Variants in CTCF observed in about 807,000 individuals in gnomAD.
The protein encoded by CTCF is transcriptional repressor CTCF.
CTCF carries 7 observed loss-of-function variants against 72.3 expected under a neutral mutation model. The ratio of observed to expected loss-of-function variants is 0.10; its 90% CI spans 0.06 to 0.18. The LOEUF is 0.18. Ranked by LOEUF, CTCF falls within the 10% of genes least tolerant of loss-of-function variation. The pLI is 1.00. For synonymous variants in CTCF, 374 were observed against 315.8 expected, an observed-to-expected ratio of 1.18 and a Z score of -1.95; for missense variants, 516 against 949.1, an observed-to-expected ratio of 0.54 and a Z score of 6.00.
At chr16:67,636,990 A>C (rs2052439888) in intron 11 of CTCF, 139 bp downstream of exon 11, 1 of 773,438 alleles carries the variant, frequency 1.3e-6, no homozygotes. Context: ...AACTCTCAGG[A>C]AATGGCTTTT....
chr16:67,622,804 C>T (rs370344793), intron 7 of CTCF, among the ~76,000 whole-genome samples: 44 of 149,888 alleles, frequency 2.9e-4, no homozygotes, highest in Admixed American at 8.6e-4. Context: ...CCACCATGCC[C>T]GGCTAAATTT....
intron 2 of CTCF, among the ~76,000 whole-genome samples, chr16:67,589,853 A>G (rs2142761573): frequency 6.6e-6 from 1 of 152,264 alleles, no homozygotes; most frequent in African/African-American, 2.4e-5. Flanking sequence ...TGGGGAGACC[A>G]AGATGGCTGG....
At chr16:67,575,575 G>A (rs1164728432) in intron 2 of CTCF, among the ~76,000 whole-genome samples, 2 of 151,984 alleles carry the variant, frequency 1.3e-5, no homozygotes, top group African/African-American at 2.4e-5. Context: ...CTCCTGAATA[G>A]CTAGGACTAC....
chr16:67,594,537 A>T (rs1030434066), intron 2 of CTCF, among the ~76,000 whole-genome samples: 28 of 152,160 alleles, frequency 1.8e-4, no homozygotes, highest in Non-Finnish European at 4.0e-4. Context: ...TTTGTCTTTC[A>T]AAGTTTCTAA....
At position 67,639,049 on chromosome 16, in the gene CTCF, C is replaced by T; in HGVS notation, c.*1177C>T. 1 of 202,794 alleles carries T rather than the reference C, an allele frequency of 4.9e-6. No homozygotes were observed. The highest frequency in any genetic ancestry group is 1.0e-5 in the Non-Finnish European group (1 of 98,470). 12.6% of individuals were successfully genotyped at this position (202,794 alleles called of 1,614,324 possible). A position where few individuals can be genotyped will look rare whatever the true frequency, so the allele number is the denominator to read the frequency against. ...TTGATGCATTTTGTACTTAGCTGTA[C>T]TGTGTGATATTTTTCATTATTTTAG... On this transcript the variant is annotated 3_prime_UTR_variant, in exon 12 of 12. Transcript: ENST00000264010.
chr16:67,598,836 C>T (rs1241831016), intron 2 of CTCF, among the ~76,000 whole-genome samples: 1 of 152,204 alleles, frequency 6.6e-6, no homozygotes, highest in Non-Finnish European at 1.5e-5. Flanking sequence ...GAGGTCAAGT[C>T]AGATGAGGAC....
rs2052457264 is a variant in CTCF, at chr16:67,638,138, T to G, written c.*266T>G. Reference sequence around the variant, plus strand: ...GGACAGTGTTGACAACTAACTCGTTTTCCTAGATGGAAACGGAGACATTGA... The same window carrying G: ...GGACAGTGTTGACAACTAACTCGTTGTCCTAGATGGAAACGGAGACATTGA... On this transcript the variant is annotated 3_prime_UTR_variant, in exon 12 of 12. Transcript: ENST00000264010. 2.6e-6 allele frequency: 1 copy of G among 381,518 alleles called. No individual in the cohort carries two copies. The highest frequency in any genetic ancestry group is 4.1e-5 in the Admixed American group (1 of 24,534). The allele number at this position is 381,518 out of a possible 1,614,324, so 23.6% of individuals were successfully genotyped here.
At chr16:67,631,981 G>A (rs879207091) in intron 10 of CTCF, among the ~76,000 whole-genome samples, 1 of 151,518 alleles carries the variant, frequency 6.6e-6, no homozygotes, top group Admixed American at 6.6e-5. Context: ...AGGCTGAGGT[G>A]GGAGGATGGC....
intron 2 of CTCF, among the ~76,000 whole-genome samples, chr16:67,572,221 A>G (rs2051432065): frequency 6.6e-6 from 1 of 152,202 alleles, no homozygotes; most frequent in South Asian, 2.1e-4. Context: ...CAAATGGGCA[A>G]CTTGTTATCC....
intron 1 of CTCF, among the ~76,000 whole-genome samples, chr16:67,565,300 C>T (rs1162476419): frequency 6.6e-6 from 1 of 151,898 alleles, no homozygotes; most frequent in Non-Finnish European, 1.5e-5. Context: ...TCTCGCCAGG[C>T]CAGGACCTGT....
intron 1 of CTCF, among the ~76,000 whole-genome samples, chr16:67,569,667 A>C (rs909267636): frequency 2.0e-5 from 3 of 151,796 alleles, no homozygotes; most frequent in Non-Finnish European, 4.4e-5. Flanking sequence ...AGGTCAGTAA[A>C]AGCTCCTTTT....
chr16:67,605,380 CA>C (rs943749959), intron 2 of CTCF, among the ~76,000 whole-genome samples: 8 of 152,212 alleles, frequency 5.3e-5, no homozygotes, highest in African/African-American at 1.4e-4. Context: ...TCTGCGGTAA[CA>C]TTTTTTTATA....
At chr16:67,630,303 G>A (rs563132355) in intron 10 of CTCF, among the ~76,000 whole-genome samples, 35 of 152,270 alleles carry the variant, frequency 2.3e-4, no homozygotes, top group Middle Eastern at 3.4e-3. Flanking sequence ...CTAACCTTGA[G>A]AGGTGCTGAT....
intron 4 of CTCF, 25 bp from the exon 5 acceptor site, chr16:67,616,718 CTT>C (rs2052136200): frequency 6.2e-7 from 1 of 1,613,422 alleles, no homozygotes; most frequent in Non-Finnish European, 8.5e-7. Context: ...TGATCTTGCT[CTT>C]CCTGTTACTC....
intron 9 of CTCF, among the ~76,000 whole-genome samples, chr16:67,628,778 T>C (rs2052323736): frequency 6.6e-6 from 1 of 152,216 alleles, no homozygotes. Context: ...AGAAATTTCC[T>C]GGCCAGGCGC....
chr16:67,602,809 C>A (rs1597705264), intron 2 of CTCF, among the ~76,000 whole-genome samples: 1 of 148,522 alleles, frequency 6.7e-6, no homozygotes. Flanking sequence ...CCATTGCACT[C>A]CAGCCTAGGC....
At chr16:67,604,740 TTTTTGTTTTTTG>T (rs1230447536) in intron 2 of CTCF, among the ~76,000 whole-genome samples, 21 of 125,998 alleles carry the variant, frequency 1.7e-4, no homozygotes, top group African/African-American at 6.1e-4. Context: ...GTTTTTTTTT[TTTTTGTTTTTTG>T]TTTTTTTTTT....
At chr16:67,590,867 G>A (rs1378836254) in intron 2 of CTCF, among the ~76,000 whole-genome samples, 2 of 150,484 alleles carry the variant, frequency 1.3e-5, no homozygotes, top group African/African-American at 4.9e-5. Flanking sequence ...AGGCTGAGGC[G>A]GGAGAATCGC....
In CTCF at chr16:67,590,876, G is replaced by A. The variant is rs184500374; in HGVS notation, c.-10+19612G>A. ...CTTGGGAGGCTGAGGCGGGAGAATC[G>A]CTTGAACCCGGGAGGTGGAGGTTGC... On this transcript the variant is annotated intron_variant, in intron 2 of 11. Coordinates refer to ENST00000264010, the MANE Select transcript of CTCF (RefSeq NM_006565.4). 1.6e-4 allele frequency among the ~76,000 whole-genome samples: 24 copies of A among 148,336 alleles called. No individual in the cohort carries two copies. The East Asian group carries it at 4.3e-3, about 26-fold the overall frequency.
Sources: gnomAD v4.1 joint callset for allele counts (sites outside exome capture counted in the v4.1 genomes callset) on GRCh38, gnomAD v4.1.1 for gene constraint, MANE v1.5 for transcripts, NCBI Gene and HGNC (gene_info 2026-07-23, HGNC 2026-07-21) for gene names.